The following POLR3C variants were observed in gnomAD, a reference collection of about 807,000 sequenced individuals.
POLR3C encodes the protein RNA polymerase III subunit C, also known as DNA-directed RNA polymerase III subunit RPC3.
Under a neutral mutation model 65.9 loss-of-function variants are expected in POLR3C, and 44 were observed. The observed-to-expected ratio is 0.67, with a 90% CI of 0.52 to 0.86. The LOEUF is 0.86. POLR3C is among the 40% of genes least tolerant of loss of function. The pLI is 0.00. For missense variants in POLR3C, 576 were observed against 653.2 expected, an observed-to-expected ratio of 0.88 and a Z score of 1.29; for synonymous variants, 263 against 231.6, an observed-to-expected ratio of 1.14 and a Z score of -1.23.
chr1:145,831,312 C>G (rs1177403581), intron 5 of POLR3C, among the ~76,000 whole-genome samples: 1 of 151,570 alleles, frequency 6.6e-6, no homozygotes, highest in African/African-American at 2.4e-5. Flanking sequence ...GTCAGGAGTT[C>G]GAGACCAGCC....
chr1:145,840,945 G>A lies in POLR3C; in HGVS notation c.1397G>A (p.Arg466Lys), dbSNP rs2101658932. 1 of 1,613,326 alleles carries A rather than the reference G, an allele frequency of 6.2e-7. No individual in the cohort carries two copies. Among genetic ancestry groups the A allele is most frequent in the Non-Finnish European group, 8.5e-7 (1 of 1,179,262 alleles). ...AGGCGTCTACTAGAAAAATCTCAGA[G>A]GGTAGAAGCCATCATTGCATCTATG... ...ENKRLLEKSQRVEAIIASMQA... is the reference protein window; with the variant it reads ...ENKRLLEKSQKVEAIIASMQA... The change falls in exon 14 of 15, where the codon AGG (arginine) becomes AAG (lysine). Residue 466 changes from arginine to lysine, a missense_variant. By Grantham distance (26) the Arg-to-Lys change is conservative. Transcript: ENST00000334163.
At position 145,828,676 on chromosome 1, in the gene POLR3C, C is replaced by G. The variant is rs76990043; in HGVS notation, c.590-73C>G. ...ACAGATGTCTTTGGAATGAAAGACA[C>G]CTGCTCTCATGTTTGGTCATTTCCT... On this transcript the variant is annotated intron_variant, in intron 4 of 14. Transcript: ENST00000334163. The G allele has an allele frequency of 1.8e-3, 1,840 of 1,045,872 alleles. 11 individuals carry two copies. In the African/African-American group the frequency reaches 0.025, roughly 14 times the overall value. The allele number at this position is 1,045,872 out of a possible 1,614,324, so 64.8% of individuals were successfully genotyped here. A position where few individuals can be genotyped will look rare whatever the true frequency, so the allele number is the denominator to read the frequency against.
At chr1:145,839,139 C>G (rs892131580) in intron 11 of POLR3C, among the ~76,000 whole-genome samples, 1 of 151,962 alleles carries the variant, frequency 6.6e-6, no homozygotes, top group African/African-American at 2.4e-5. Flanking sequence ...GGCGTGGTGC[C>G]GTGTGTCTGT....
chr1:145,826,908 T>C lies in POLR3C; in HGVS notation c.492T>C (p.Pro164=), dbSNP rs781790679. ...THFVQRCPSV[P]TTENSDPGPP... is the part of the protein sequence containing the mutation. ...TTGTACAACGCTGCCCTTCGGTACCTACCACTGAGAATTCAGACCCTGGGC... is the reference window on the plus strand; with the variant it reads ...TTGTACAACGCTGCCCTTCGGTACCCACCACTGAGAATTCAGACCCTGGGC... Residue 164 remains proline (P), a synonymous_variant, in exon 4 of 15, where the codon CCT becomes CCC. Transcript: ENST00000334163. 11 of 1,613,120 alleles carry C rather than the reference T, an allele frequency of 6.8e-6. No individual in the cohort carries two copies. Among genetic ancestry groups the C allele is most frequent in the African/African-American group, 1.3e-5 (1 of 74,844 alleles).
chr1:145,831,462 C>A (rs996282960), intron 5 of POLR3C, among the ~76,000 whole-genome samples: 4 of 147,034 alleles, frequency 2.7e-5, no homozygotes, highest in Admixed American at 7.0e-5. Context: ...TTGCAGTGAG[C>A]GGAGATTGTG....
chr1:145,839,629 G>T, intron 11 of POLR3C: 1 of 352,446 alleles, frequency 2.8e-6, no homozygotes, highest in Non-Finnish European at 5.1e-6. Flanking sequence ...GCTACTTGGG[G>T]GACTGAGGTG....
In POLR3C at chr1:145,844,187, C is replaced by G. The variant is rs952823433; in HGVS notation, c.*1767C>G. 6.6e-6 allele frequency among the ~76,000 whole-genome samples: 1 copy of G among 152,132 alleles called. No individual in the cohort carries two copies. The highest frequency in any genetic ancestry group is 1.5e-5 in the Non-Finnish European group (1 of 68,016). ...TATATATCTCCAAAAGGAAAGAAAT[C>G]AATGTATCAAAAAGATACCTGCACT... On this transcript the variant is annotated 3_prime_UTR_variant, in exon 15 of 15. Transcript: ENST00000334163.
chr1:145,827,672 TA>T (rs1650887497), intron 4 of POLR3C, among the ~76,000 whole-genome samples: 1 of 144,824 alleles, frequency 6.9e-6, no homozygotes, highest in Admixed American at 7.2e-5. Context: ...GGCAGGAAAA[TA>T]GCATGAACCC....
intron 2 of POLR3C, 60 bp from the exon 3 acceptor site, chr1:145,826,394 G>A: frequency 1.3e-6 from 2 of 1,523,544 alleles, no homozygotes; most frequent in Non-Finnish European, 1.8e-6. Flanking sequence ...AAAATTGCCA[G>A]CAGTAATGAG....
Position 145,843,828 on chromosome 1 carries a change from T to C in POLR3C, c.*1408T>C, listed in dbSNP as rs1353234290. 3.3e-5 allele frequency among the ~76,000 whole-genome samples: 5 copies of C among 152,216 alleles called. No individual in the cohort carries two copies. The highest frequency in any genetic ancestry group is 4.8e-5 in the African/African-American group (2 of 41,532). ...CAGAATATATAAGGAGCTCAAACAA[T>C]AGCAAAAAGAACAATCCAACTTAAA... On this transcript the variant is annotated 3_prime_UTR_variant, in exon 15 of 15. Coordinates refer to ENST00000334163, the MANE Select transcript of POLR3C (RefSeq NM_006468.8).
Position 145,843,127 on chromosome 1 carries a change from G to T in POLR3C, c.*707G>T, listed in dbSNP as rs376821084. ...AAAAAATTATTTTCAGGGTTAGCAG[G>T]TGGATTGTCCCAAGCAGTCACACTA... On this transcript the variant is annotated 3_prime_UTR_variant, in exon 15 of 15. Transcript: ENST00000334163. 1.4e-4 allele frequency among the ~76,000 whole-genome samples: 21 copies of T among 152,272 alleles called. No individual in the cohort carries two copies. In the South Asian group the frequency reaches 4.1e-3, roughly 30 times the overall value.
At chr1:145,833,654 C>T in intron 7 of POLR3C, 72 bp downstream of exon 7, 3 of 1,027,252 alleles carry the variant, frequency 2.9e-6, no homozygotes, top group Non-Finnish European at 4.6e-6. Flanking sequence ...ATACACAGAT[C>T]CTGAGTTTGG....
intron 11 of POLR3C, 61 bp from the exon 12 acceptor site, chr1:145,839,829 G>A (rs987949141): frequency 1.9e-5 from 17 of 907,280 alleles, no homozygotes; most frequent in African/African-American, 6.5e-5. Context: ...GAATGAGTGT[G>A]TGCTTTGCCA....
chr1:145,840,414 C>T (rs1310125741), intron 13 of POLR3C: 3 of 441,140 alleles, frequency 6.8e-6, no homozygotes, highest in Admixed American at 3.5e-5. Flanking sequence ...GTGGCGGGCA[C>T]CTATAGTCCC....
rs1201196967 is a variant in POLR3C at position 145,842,793 on chromosome 1, T to TGATAGATA, written c.*390_*397dup. Reference sequence around the variant, plus strand: ...CTGTTCTTTATTTTGTTGAGATAGGTGATAGATAGATAGATAGATAGATAA... The same window carrying TGATAGATA: ...CTGTTCTTTATTTTGTTGAGATAGGTGATAGATAGATAGATAGATAGATAGATAGATAA... On this transcript the variant is annotated 3_prime_UTR_variant, in exon 15 of 15. Transcript: ENST00000334163. Among the ~76,000 whole-genome samples the TGATAGATA allele has an allele frequency of 5.9e-3, 847 of 142,414 alleles. 4 individuals are homozygous for TGATAGATA. Among genetic ancestry groups the TGATAGATA allele is most frequent in the Non-Finnish European group, 8.1e-3 (549 of 67,738 alleles). The allele number at this position is 142,414 out of a possible 152,430, so 93.4% of individuals were successfully genotyped here.
Position 145,843,766 on chromosome 1 carries a change from C to T in POLR3C, c.*1346C>T, listed in dbSNP as rs751401598. Among the ~76,000 whole-genome samples, 2 of 152,090 alleles carry T rather than the reference C, an allele frequency of 1.3e-5. No homozygotes were observed. The highest frequency in any genetic ancestry group is 4.8e-5 in the African/African-American group (2 of 41,398). ...ATGTATAGTTTGAAAGATGAGGATG[C>T]TTTATTTGCAAACTATCTTAACAAG... On this transcript the variant is annotated 3_prime_UTR_variant, in exon 15 of 15. Transcript: ENST00000334163.
intron 7 of POLR3C, among the ~76,000 whole-genome samples, chr1:145,835,629 C>A (rs1488904929): frequency 6.6e-6 from 1 of 151,926 alleles, no homozygotes; most frequent in Non-Finnish European, 1.5e-5. Flanking sequence ...GGCTGGAGTG[C>A]AGTAGCGCAA....
At chr1:145,829,074 A>G (rs992521079) in intron 5 of POLR3C, among the ~76,000 whole-genome samples, 3 of 152,210 alleles carry the variant, frequency 2.0e-5, no homozygotes. Flanking sequence ...GGGCCTAGAA[A>G]AAGTTTAGGT....
chr1:145,836,823 T>A lies in POLR3C; in HGVS notation c.966T>A (p.Phe322Leu). The A allele has an allele frequency of 6.3e-7, 1 of 1,588,372 alleles. No individual in the cohort carries two copies. Among genetic ancestry groups the A allele is most frequent in the Non-Finnish European group, 8.6e-7 (1 of 1,158,144 alleles). ...LTLLADDPLE[F>L]VGKSGDSGGG... ...TCTCTTTTTCTTAATAGCTAGAGTT[T>A]GTTGGAAAGTCTGGCGACAGTGGTG... Residue 322 changes from phenylalanine to leucine, a missense_variant, in exon 9 of 15, where the codon TTT becomes TTA. Phe to Leu is a conservative substitution (Grantham distance 22). Transcript: ENST00000334163.
Sources: allele counts gnomAD v4.1 joint callset (sites outside exome capture counted in the v4.1 genomes callset), GRCh38; gene constraint gnomAD v4.1.1; transcripts MANE v1.5; gene names NCBI Gene and HGNC (gene_info 2026-07-23, HGNC 2026-07-21).